Variants in SRBD1 observed in about 807,000 individuals in gnomAD.
SRBD1 encodes the protein S1 RNA-binding domain-containing protein 1.
SRBD1 carries 88 observed loss-of-function variants against 115.3 expected under a neutral mutation model. The ratio of observed to expected loss-of-function variants is 0.76; its 90% confidence interval spans 0.64 to 0.91. The LOEUF (loss-of-function observed/expected upper bound fraction) is 0.91, where lower values mean the gene tolerates loss of function less well. SRBD1 is among the 40% of genes least tolerant of loss of function. SRBD1 has a pLI of 0.00. For synonymous variants in SRBD1, 509 were observed against 407.7 expected, an observed-to-expected ratio of 1.25 and a Z score of -2.99; for missense variants, 1,385 against 1,177.4, an observed-to-expected ratio of 1.18 and a Z score of -2.58.
intron 19 of SRBD1, among the ~76,000 whole-genome samples, chr2:45,403,889 CTTATT>C (rs1038345827): frequency 2.6e-5 from 4 of 152,096 alleles, no homozygotes; most frequent in African/African-American, 4.8e-5. Flanking sequence ...TCTTTGTACT[CTTATT>C]TTAATATTTA....
At chr2:45,506,138 T>A (rs763308540) in intron 14 of SRBD1, among the ~76,000 whole-genome samples, 1 of 152,188 alleles carries the variant, frequency 6.6e-6, no homozygotes, top group Admixed American at 6.5e-5. Context: ...GAGGAGTATT[T>A]ACTGTCAAGC....
At chr2:45,562,532 T>A (rs962720461) in intron 10 of SRBD1, 121 bp downstream of exon 10, 60 of 744,354 alleles carry the variant, frequency 8.1e-5, no homozygotes, top group Non-Finnish European at 3.2e-5. Context: ...GCGCCCGGCC[T>A]GTCACTGGCT....
At chr2:45,555,409 C>T (rs1243492089) in intron 10 of SRBD1, among the ~76,000 whole-genome samples, 2 of 151,946 alleles carry the variant, frequency 1.3e-5, no homozygotes, top group Non-Finnish European at 2.9e-5. Context: ...CAAAAAAAAC[C>T]CAGCCCAGAA....
At chr2:45,543,605 A>G (rs1430669031) in intron 14 of SRBD1, among the ~76,000 whole-genome samples, 4 of 152,184 alleles carry the variant, frequency 2.6e-5, no homozygotes, top group African/African-American at 9.7e-5. Context: ...GTAACTTCAA[A>G]GTGTAAGATG....
In SRBD1 at chr2:45,610,708, A is replaced by T. The variant is rs190451068; in HGVS notation, c.-1+511T>A. Among the ~76,000 whole-genome samples the T allele has an allele frequency of 1.6e-3, 247 of 152,302 alleles. 2 individuals are homozygous for T. In the South Asian group the frequency reaches 0.026, roughly 16 times the overall value. ...AGGTGCAGTTGATTCAGACAGGGCC[A>T]CCATGACCGTGAAAAGGGTGCTTCC... On this transcript the variant is annotated intron_variant, in intron 1 of 20. Coordinates refer to ENST00000263736, the MANE Select transcript of SRBD1 (RefSeq NM_018079.5).
chr2:45,546,399 G>C (rs1558468855), intron 14 of SRBD1: 2 of 938,892 alleles, frequency 2.1e-6, no homozygotes, highest in East Asian at 1.2e-4. Flanking sequence ...CAGTCTACTA[G>C]CTGCTAGCCT....
In SRBD1 at chr2:45,536,504, G is replaced by C. The variant is rs116917808; in HGVS notation, c.1874+10228C>G. ...GTTACAAAGAGTGCATCTCTGAATTGGCCTATTAAAAACCTTTTGCCTTGA... is the reference window on the plus strand; with the variant it reads ...GTTACAAAGAGTGCATCTCTGAATTCGCCTATTAAAAACCTTTTGCCTTGA... On this transcript the variant is annotated intron_variant, in intron 14 of 20. Coordinates refer to ENST00000263736, the MANE Select transcript of SRBD1 (RefSeq NM_018079.5). 2.2e-4 allele frequency among the ~76,000 whole-genome samples: 34 copies of C among 151,890 alleles called. 1 individual carries two copies. In the East Asian group the frequency reaches 6.4e-3, roughly 28 times the overall value.
intron 14 of SRBD1, among the ~76,000 whole-genome samples, chr2:45,497,180 T>C (rs1670485899): frequency 6.6e-6 from 1 of 152,208 alleles, no homozygotes; most frequent in Non-Finnish European, 1.5e-5. Flanking sequence ...CTGTTTATGC[T>C]ATGTTCATTA....
At chr2:45,442,750 G>A (rs760660453) in intron 16 of SRBD1, among the ~76,000 whole-genome samples, 28 of 152,270 alleles carry the variant, frequency 1.8e-4, no homozygotes, top group Middle Eastern at 3.4e-3. Context: ...GTAAGTTTGG[G>A]TTTTAAAGTG....
intron 4 of SRBD1, among the ~76,000 whole-genome samples, chr2:45,587,102 AT>A (rs1673566447): frequency 1.6e-5 from 2 of 122,402 alleles, no homozygotes; most frequent in Non-Finnish European, 3.3e-5. Context: ...TAAATATTTA[AT>A]TATTTTAAAA....
At chr2:45,423,819 A>G (rs1221203589) in intron 16 of SRBD1, among the ~76,000 whole-genome samples, 1 of 152,100 alleles carries the variant, frequency 6.6e-6, no homozygotes. Context: ...ACTAAATCCA[A>G]CAGCCTATTA....
chr2:45,504,272 C>T (rs1026901413), intron 14 of SRBD1, among the ~76,000 whole-genome samples: 1 of 152,084 alleles, frequency 6.6e-6, no homozygotes, highest in Non-Finnish European at 1.5e-5. Flanking sequence ...AAAAGCTTTC[C>T]AAAGTGATGC....
chr2:45,602,225 A>T lies in SRBD1; in HGVS notation c.81-142T>A, dbSNP rs544750355. ...GAGTGATTGAGTACAGGCTGTGAAC[A>T]GTTATTGCTAAGAATTGAACCAACA... On this transcript the variant is annotated intron_variant, in intron 2 of 20. Coordinates refer to ENST00000263736, the MANE Select transcript of SRBD1 (RefSeq NM_018079.5). The T allele has an allele frequency of 1.7e-5, 16 of 957,218 alleles. 1 individual carries two copies. In the South Asian group the frequency reaches 2.9e-4, roughly 17 times the overall value. The allele number at this position is 957,218 out of a possible 1,614,324, so 59.3% of individuals were successfully genotyped here. A position where few individuals can be genotyped will look rare whatever the true frequency, so the allele number is the denominator to read the frequency against.
At chr2:45,451,579 C>T (rs1010546757) in intron 16 of SRBD1, among the ~76,000 whole-genome samples, 2 of 151,858 alleles carry the variant, frequency 1.3e-5, no homozygotes, top group East Asian at 1.9e-4. Context: ...TGCCGGCATA[C>T]AGTATCTTCA....
intron 16 of SRBD1, among the ~76,000 whole-genome samples, chr2:45,451,781 C>T (rs1039926042): frequency 2.0e-5 from 3 of 151,364 alleles, no homozygotes; most frequent in Non-Finnish European, 4.4e-5. Context: ...TAAATGATGG[C>T]TCCTCTCAAC....
chr2:45,503,815 G>A (rs1283349695), intron 14 of SRBD1, among the ~76,000 whole-genome samples: 1 of 152,042 alleles, frequency 6.6e-6, no homozygotes, highest in Non-Finnish European at 1.5e-5. Context: ...CTTCCAAAAA[G>A]CAAATCCAAA....
chr2:45,576,865 G>T (rs2104164191), intron 7 of SRBD1, among the ~76,000 whole-genome samples: 1 of 152,282 alleles, frequency 6.6e-6, no homozygotes, highest in African/African-American at 2.4e-5. Flanking sequence ...TTTGCAATAA[G>T]AAAGGGCCTT....
chr2:45,461,602 C>T (rs923495598), intron 16 of SRBD1, among the ~76,000 whole-genome samples: 1 of 152,144 alleles, frequency 6.6e-6, no homozygotes, highest in Non-Finnish European at 1.5e-5. Context: ...GGTACACATC[C>T]CCACCTTCTC....
intron 4 of SRBD1, among the ~76,000 whole-genome samples, chr2:45,595,304 A>G (rs1673860308): frequency 6.6e-6 from 1 of 152,274 alleles, no homozygotes; most frequent in South Asian, 2.1e-4. Context: ...CATTGTGGCC[A>G]AGGCCATGGG....
Sources: allele counts gnomAD v4.1 joint callset (sites outside exome capture counted in the v4.1 genomes callset), GRCh38; gene constraint gnomAD v4.1.1; transcripts MANE v1.5; gene names NCBI Gene and HGNC (gene_info 2026-07-23, HGNC 2026-07-21).